PSMF1: variants seen among roughly 807,000 people sequenced by gnomAD.
The protein encoded by PSMF1 is proteasome inhibitor PI31 subunit.
PSMF1 carries 30 observed loss-of-function variants against 29.3 expected under a neutral mutation model. The observed-to-expected ratio is 1.02, with a 90% confidence interval of 0.77 to 1.39. The LOEUF is 1.39. Ranked by LOEUF, PSMF1 falls within the 40% of genes most tolerant of loss-of-function variation. The probability of loss-of-function intolerance (pLI) is 0.00; values close to 1 mark genes in which losing one functional copy is unlikely to be tolerated. For synonymous variants in PSMF1, 134 were observed against 139.7 expected, an observed-to-expected ratio of 0.96 and a Z score of 0.29; for missense variants, 344 against 357.5, an observed-to-expected ratio of 0.96 and a Z score of 0.31.
At chr20:1,152,897 A>G (rs1011546417) in intron 4 of PSMF1, among the ~76,000 whole-genome samples, 21 of 152,196 alleles carry the variant, frequency 1.4e-4, no homozygotes, top group African/African-American at 4.1e-4. Flanking sequence ...TTCAGTAGAC[A>G]TACTTTTATG....
At chr20:1,139,549 T>C (rs2086354039) in intron 4 of PSMF1, among the ~76,000 whole-genome samples, 1 of 151,998 alleles carries the variant, frequency 6.6e-6, no homozygotes, top group Non-Finnish European at 1.5e-5. Flanking sequence ...AAAATTGATA[T>C]CCTGGCTAAC....
intron 3 of PSMF1, chr20:1,134,892 G>T: frequency 1.6e-6 from 1 of 623,982 alleles, no homozygotes; most frequent in Non-Finnish European, 2.9e-6. Context: ...AAACAAGGAG[G>T]GGCAACTCAG....
intron 4 of PSMF1, chr20:1,160,860 G>A (rs2086658269): frequency 4.4e-6 from 2 of 458,326 alleles, no homozygotes; most frequent in Admixed American, 5.0e-5. Flanking sequence ...CCTACAACAA[G>A]CTGCATGTGT....
upstream of PSMF1, among the ~76,000 whole-genome samples, chr20:1,113,783 C>G (rs891729526): frequency 6.6e-6 from 1 of 152,144 alleles, no homozygotes; most frequent in African/African-American, 2.4e-5. Context: ...AGCTCTGCCT[C>G]TCGGGTTCAC....
intron 3 of PSMF1, among the ~76,000 whole-genome samples, chr20:1,133,569 A>ATATATATATATATATATATATATTTT: frequency 7.7e-4 from 41 of 53,260 alleles, no homozygotes; most frequent in African/African-American, 1.8e-3. Flanking sequence ...ATATATATAT[A>ATATATATATATATATATATATATTTT]TTTTTTTTTT....
At chr20:1,121,321 C>G (rs1164923265) in intron 1 of PSMF1, among the ~76,000 whole-genome samples, 1 of 152,074 alleles carries the variant, frequency 6.6e-6, no homozygotes, top group Non-Finnish European at 1.5e-5. Context: ...TCTACCCCAG[C>G]ACTAAATCTT....
At position 1,164,397 on chromosome 20, in the gene PSMF1, C is replaced by A. The variant is rs1555766253; in HGVS notation, c.685C>A (p.Pro229Thr). Reference sequence around the variant, plus strand: ...ACTTATTGACCCTTCCTCAGGCCTCCCGAACCGACTTCCTCCAGGCGCTGT... The same window carrying A: ...ACTTATTGACCCTTCCTCAGGCCTCACGAACCGACTTCCTCCAGGCGCTGT... The part of the protein sequence containing the change: ...RALIDPSSGL[P>T]NRLPPGAVPP... Residue 229 changes from proline to threonine, a missense_variant, in exon 6 of 7, where the codon CCG (proline) becomes ACG (threonine). By Grantham distance (38) the Pro-to-Thr change is conservative. Coordinates refer to ENST00000335877, the MANE Select transcript of PSMF1 (RefSeq NM_006814.5). This position sits in a 1 kb window ranked among gnomAD's most constrained non-coding sequence, Gnocchi z 4.1. The A allele has an allele frequency of 2.5e-6, 4 of 1,614,186 alleles. No homozygotes were observed. In the East Asian group the frequency reaches 8.9e-5, roughly 36 times the overall value.
chr20:1,163,229 G>T lies in PSMF1; in HGVS notation c.605+46G>T. ...GGCAGCAACACAACTTGCTTTTGTG[G>T]CTTTTCAGCCCCAGCTCATCTTCTA... On this transcript the variant is annotated intron_variant, in intron 5 of 6. Coordinates refer to ENST00000335877, the MANE Select transcript of PSMF1 (RefSeq NM_006814.5). This position sits in a 1 kb window ranked among gnomAD's most constrained non-coding sequence, Gnocchi z 6.1. 1 of 1,592,196 alleles carries T rather than the reference G, an allele frequency of 6.3e-7. No homozygotes were observed. The highest frequency in any genetic ancestry group is 1.7e-5 in the Admixed American group (1 of 59,752).
intron 4 of PSMF1, among the ~76,000 whole-genome samples, chr20:1,155,378 G>A (rs2086581802): frequency 6.6e-6 from 1 of 152,188 alleles, no homozygotes; most frequent in African/African-American, 2.4e-5. Context: ...TCCAACAAGA[G>A]GACCTGTGGT....
chr20:1,149,619 C>A (rs1176721905), intron 4 of PSMF1, among the ~76,000 whole-genome samples: 1 of 152,148 alleles, frequency 6.6e-6, no homozygotes, highest in African/African-American at 2.4e-5. Context: ...GTCATTCTTT[C>A]AAGTAAAAAC....
chr20:1,159,115 G>A (rs1406053100), intron 4 of PSMF1, among the ~76,000 whole-genome samples: 2 of 151,980 alleles, frequency 1.3e-5, no homozygotes, highest in African/African-American at 2.4e-5. Flanking sequence ...TGAGGTCACA[G>A]AAGTCTTCAT....
chr20:1,159,585 A>G (rs1294558328), intron 4 of PSMF1, among the ~76,000 whole-genome samples: 1 of 152,206 alleles, frequency 6.6e-6, no homozygotes, highest in African/African-American at 2.4e-5. Flanking sequence ...CAAGCATTTT[A>G]TCAGCCACTA....
At chr20:1,120,518 T>TA (rs1469541455) in intron 1 of PSMF1, among the ~76,000 whole-genome samples, 2 of 152,192 alleles carry the variant, frequency 1.3e-5, no homozygotes, top group Admixed American at 6.5e-5. Context: ...AGGCCCCTCT[T>TA]TCAATGCATA....
upstream of PSMF1, among the ~76,000 whole-genome samples, chr20:1,118,184 C>T (rs2086030564): frequency 6.6e-6 from 1 of 152,210 alleles, no homozygotes; most frequent in Admixed American, 6.5e-5. Flanking sequence ...TCCCTCTGCG[C>T]CTCAGTTTCC....
rs1200623976 is a variant in PSMF1 at position 1,169,156 on chromosome 20, A to T, written c.*4076A>T. On this transcript the variant is annotated 3_prime_UTR_variant, in exon 7 of 7. Coordinates refer to ENST00000335877, the MANE Select transcript of PSMF1 (RefSeq NM_006814.5). ...TTACTGCATCTGAACCCCAGGACTAATGCGTCACTGCATTAACCCCAGGAC... is the reference window on the plus strand; with the variant it reads ...TTACTGCATCTGAACCCCAGGACTATTGCGTCACTGCATTAACCCCAGGAC... 6.6e-6 allele frequency among the ~76,000 whole-genome samples: 1 copy of T among 152,206 alleles called. No homozygotes were observed. Among genetic ancestry groups the T allele is most frequent in the East Asian group, 1.9e-4 (1 of 5,130 alleles).
At chr20:1,161,564 C>A in intron 4 of PSMF1, 1 of 611,512 alleles carries the variant, frequency 1.6e-6, no homozygotes, top group South Asian at 1.9e-5. Flanking sequence ...GATCATCGTG[C>A]TCCCAGAGCG....
intron 4 of PSMF1, among the ~76,000 whole-genome samples, chr20:1,135,605 T>G (rs1194307326): frequency 6.6e-6 from 1 of 152,192 alleles, no homozygotes; most frequent in South Asian, 2.1e-4. Context: ...TGCAGTAGTC[T>G]AAGGTTGCTG....
intron 4 of PSMF1, among the ~76,000 whole-genome samples, chr20:1,143,969 G>C (rs1365005908): frequency 2.6e-5 from 4 of 152,058 alleles, no homozygotes; most frequent in African/African-American, 9.7e-5. Flanking sequence ...CATGCCTGTA[G>C]TCCCAGCTAC....
chr20:1,129,362 C>T (rs1252637077), intron 3 of PSMF1, among the ~76,000 whole-genome samples: 1 of 152,134 alleles, frequency 6.6e-6, no homozygotes, highest in African/African-American at 2.4e-5. Context: ...TCAGAACTGC[C>T]CAGAAACCCT....
Sources: gnomAD v4.1 joint callset for allele counts (sites outside exome capture counted in the v4.1 genomes callset) on GRCh38, gnomAD v4.1.1 for gene constraint, Gnocchi (gnomAD v3.1) non-coding constraint, MANE v1.5 for transcripts, NCBI Gene and HGNC (gene_info 2026-07-23, HGNC 2026-07-21) for gene names.